Variants in TOR1B observed in about 807,000 individuals in gnomAD.
TOR1B encodes torsin family 1 member B.
TOR1B carries 14 observed loss-of-function variants against 29.2 expected under a neutral mutation model. The observed-to-expected ratio is 0.48, with a 90% CI of 0.32 to 0.75. The LOEUF (loss-of-function observed/expected upper bound fraction) is 0.75, where lower values mean the gene tolerates loss of function less well. TOR1B is among the 30% of genes least tolerant of loss of function. The pLI is 0.04. For missense variants in TOR1B, 400 were observed against 433.9 expected (o/e 0.92, Z 0.69); for synonymous variants, 166 against 179.8 (o/e 0.92, Z 0.62).
rs559644221 is a variant in TOR1B, at chr9:129,808,120, C to T, written c.641+757C>T. On this transcript the variant is annotated intron_variant, in intron 3 of 4. Coordinates refer to ENST00000259339, the MANE Select transcript of TOR1B (RefSeq NM_014506.3). The stretch of plus-strand genomic sequence containing the variant: ...GGTTATAAAGGGCCATAGCATTATC[C>T]CAGCTAGTTGTGAATAAACACTTTA... 2.6e-5 allele frequency among the ~76,000 whole-genome samples: 4 copies of T among 152,236 alleles called. No individual in the cohort carries two copies. The South Asian group carries it at 8.3e-4, about 32-fold the overall frequency.
At position 129,809,946 on chromosome 9, in the gene TOR1B, G is replaced by A; in HGVS notation, c.*363G>A. 1 of 1,189,536 alleles carries A rather than the reference G, an allele frequency of 8.4e-7. No homozygotes were observed. Among genetic ancestry groups the A allele is most frequent in the South Asian group, 1.7e-5 (1 of 60,346 alleles). The allele number at this position is 1,189,536 out of a possible 1,614,324, so 73.7% of individuals were successfully genotyped here. A position where few individuals can be genotyped will look rare whatever the true frequency, so the allele number is the denominator to read the frequency against. On this transcript the variant is annotated 3_prime_UTR_variant, in exon 5 of 5. Coordinates refer to ENST00000259339, the MANE Select transcript of TOR1B (RefSeq NM_014506.3). Reference sequence around the variant, plus strand: ...TTTGTCATTTAGCAAGATGGCAGCAGTCCAGCTGTTCTTTGCAGCTGGAGA... The same window carrying A: ...TTTGTCATTTAGCAAGATGGCAGCAATCCAGCTGTTCTTTGCAGCTGGAGA...
intron 2 of TOR1B, among the ~76,000 whole-genome samples, chr9:129,805,322 C>T (rs997311619): frequency 1.3e-5 from 2 of 151,334 alleles, no homozygotes; most frequent in African/African-American, 2.4e-5. Context: ...GGCGTGATGG[C>T]GTGCGCCTGT....
At chr9:129,808,526 T>C (rs2030632745) in intron 3 of TOR1B, among the ~76,000 whole-genome samples, 1 of 149,296 alleles carries the variant, frequency 6.7e-6, no homozygotes, top group Admixed American at 6.7e-5. Flanking sequence ...ATTCATTTCT[T>C]GGTAAGACAC....
Position 129,803,210 on chromosome 9 carries a change from G to T in TOR1B, c.-3G>T, listed in dbSNP as rs756830163. The T allele has an allele frequency of 2.0e-6, 3 of 1,479,430 alleles. No homozygotes were observed. Among genetic ancestry groups the T allele is most frequent in the South Asian group, 2.7e-5 (2 of 74,654 alleles). The allele number at this position is 1,479,430 out of a possible 1,614,324, so 91.6% of individuals were successfully genotyped here. A position where few individuals can be genotyped will look rare whatever the true frequency, so the allele number is the denominator to read the frequency against. ...GTGGCTTCTGCGGGCTTCGAGGAGC[G>T]GGATGTTGCGGGCTGGGTGGCTCCG... is the stretch of plus-strand genomic sequence containing the variant. On this transcript the variant is annotated 5_prime_UTR_variant, in exon 1 of 5. Transcript: ENST00000259339.
At chr9:129,808,538 G>C (rs1466911201) in intron 3 of TOR1B, among the ~76,000 whole-genome samples, 1 of 137,594 alleles carries the variant, frequency 7.3e-6, no homozygotes, top group Non-Finnish European at 1.6e-5. Flanking sequence ...GTAAGACACA[G>C]AAGTCTTTTT....
At chr9:129,806,883 T>A (rs1236780268) in intron 2 of TOR1B, among the ~76,000 whole-genome samples, 2 of 151,994 alleles carry the variant, frequency 1.3e-5, no homozygotes, top group Non-Finnish European at 2.9e-5. Context: ...AGACCCTGTT[T>A]CCAAAGACAA....
At chr9:129,807,717 G>C in intron 3 of TOR1B, among the ~76,000 whole-genome samples, 1 of 151,918 alleles carries the variant, frequency 6.6e-6, no homozygotes, top group East Asian at 1.9e-4. Context: ...GTGGTGGCGG[G>C]CGCCTGTAGT....
Position 129,805,266 on chromosome 9 carries a change from C to G in TOR1B, c.465+928C>G, listed in dbSNP as rs566283942. Among the ~76,000 whole-genome samples the G allele has an allele frequency of 7.0e-4, 106 of 152,102 alleles. 1 individual carries two copies. The South Asian group carries it at 0.022, about 31-fold the overall frequency. ...GGTCGGGAGTTCGAGACCAGCCTGA[C>G]CAACATGGAGAAACCCCGTCTCTAC... On this transcript the variant is annotated intron_variant, in intron 2 of 4. Transcript: ENST00000259339.
In TOR1B at chr9:129,807,320, G is replaced by A; in HGVS notation, c.598G>A (p.Val200Ile). ...GCCGTTTCTAGACTACTACGAGCAG[G>A]TTGACGGAGTGTCTTACCGCAAAGC... Reference protein sequence around the residue: ...IKPFLDYYEQVDGVSYRKAIF... With the variant: ...IKPFLDYYEQIDGVSYRKAIF... Residue 200 changes from valine (V) to isoleucine (I), a missense_variant, in exon 3 of 5, where the codon GTT (valine) becomes ATT (isoleucine). Val to Ile is a conservative substitution (Grantham distance 29, BLOSUM62 3). Transcript: ENST00000259339. The A allele has an allele frequency of 1.9e-6, 3 of 1,614,180 alleles. No homozygotes were observed. The highest frequency in any genetic ancestry group is 2.2e-5 in the South Asian group (2 of 91,088).
chr9:129,804,509 TCTTA>T (rs1365709673), intron 2 of TOR1B, 171 bp downstream of exon 2: 4 of 825,692 alleles, frequency 4.8e-6, no homozygotes, highest in Non-Finnish European at 7.4e-6. Flanking sequence ...ACAACATTTC[TCTTA>T]CTTGGTTCCA....
intron 2 of TOR1B, among the ~76,000 whole-genome samples, chr9:129,805,970 A>G (rs1479245372): frequency 1.3e-5 from 2 of 152,132 alleles, no homozygotes; most frequent in East Asian, 3.9e-4. Context: ...AAAATAAAAA[A>G]ATTAGCCAGG....
Position 129,810,495 on chromosome 9 carries a change from G to A in TOR1B, c.*912G>A, listed in dbSNP as rs887824271. 1 of 1,084,988 alleles carries A rather than the reference G, an allele frequency of 9.2e-7. No homozygotes were observed. The highest frequency in any genetic ancestry group is 1.6e-5 in the African/African-American group (1 of 60,698). The allele number at this position is 1,084,988 out of a possible 1,614,324, so 67.2% of individuals were successfully genotyped here. A position where few individuals can be genotyped will look rare whatever the true frequency, so the allele number is the denominator to read the frequency against. ...GCTGGTATCAGCCCCAGCCTGCCTT[G>A]TGCCATATCTCAGCTTGGATCTCTG... is the stretch of plus-strand genomic sequence containing the variant. On this transcript the variant is annotated 3_prime_UTR_variant, in exon 5 of 5. Transcript: ENST00000259339.
At chr9:129,804,634 G>T (rs1310591096) in intron 2 of TOR1B, among the ~76,000 whole-genome samples, 1 of 151,278 alleles carries the variant, frequency 6.6e-6, no homozygotes, top group Non-Finnish European at 1.5e-5. Context: ...GCCGAGGCGG[G>T]CGGATCATTT....
At position 129,803,209 on chromosome 9, in the gene TOR1B, C is replaced by T. The variant is rs1009135784; in HGVS notation, c.-4C>T. ...AGTGGCTTCTGCGGGCTTCGAGGAG[C>T]GGGATGTTGCGGGCTGGGTGGCTCC... On this transcript the variant is annotated 5_prime_UTR_variant, in exon 1 of 5. Coordinates refer to ENST00000259339, the MANE Select transcript of TOR1B (RefSeq NM_014506.3). The T allele has an allele frequency of 2.0e-6, 3 of 1,476,426 alleles. No homozygotes were observed. The highest frequency in any genetic ancestry group is 2.7e-6 in the Non-Finnish European group (3 of 1,120,674). 91.5% of individuals were successfully genotyped at this position (1,476,426 alleles called of 1,614,324 possible).
intron 2 of TOR1B, among the ~76,000 whole-genome samples, chr9:129,804,698 C>T (rs912976898): frequency 1.3e-5 from 2 of 151,250 alleles, no homozygotes; most frequent in African/African-American, 4.9e-5. Flanking sequence ...CCATCTCTAC[C>T]TAAAAGTACC....
Position 129,808,543 on chromosome 9 carries a change from C to CTTT in TOR1B, c.642-341_642-339dup, listed in dbSNP as rs763409733. Among the ~76,000 whole-genome samples, 360 of 77,702 alleles carry CTTT rather than the reference C, an allele frequency of 4.6e-3. 2 individuals are homozygous for CTTT. Among genetic ancestry groups the CTTT allele is most frequent in the Middle Eastern group, 0.011 (1 of 92 alleles). The allele number at this position is 77,702 out of a possible 152,430, so 51.0% of individuals were successfully genotyped here. A position where few individuals can be genotyped will look rare whatever the true frequency, so the allele number is the denominator to read the frequency against. On this transcript the variant is annotated intron_variant, in intron 3 of 4. Transcript: ENST00000259339. ...TCATTTCTTGGTAAGACACAGAAGT[C>CTTT]TTTTTTTTTTTTTTTTTTTTTTTGA...
Position 129,810,293 on chromosome 9 carries a change from G to A in TOR1B, c.*710G>A. On this transcript the variant is annotated 3_prime_UTR_variant, in exon 5 of 5. Transcript: ENST00000259339. ...GAGGTGCAGACGGTGTCTGACCGGAGGATGTGGCCGTGCCCGCCGAGCACT... is the reference window on the plus strand; with the variant it reads ...GAGGTGCAGACGGTGTCTGACCGGAAGATGTGGCCGTGCCCGCCGAGCACT... 1 of 1,303,460 alleles carries A rather than the reference G, an allele frequency of 7.7e-7. No homozygotes were observed. Among genetic ancestry groups the A allele is most frequent in the Non-Finnish European group, 1.0e-6 (1 of 988,812 alleles). 80.7% of individuals were successfully genotyped at this position (1,303,460 alleles called of 1,614,324 possible).
At chr9:129,804,459 G>A in intron 2 of TOR1B, 121 bp downstream of exon 2, 1 of 1,289,216 alleles carries the variant, frequency 7.8e-7, no homozygotes, top group African/African-American at 1.5e-5. Flanking sequence ...GCTCCACTGA[G>A]TTAAGGCACA....
chr9:129,809,201 C>CTGAG (rs1388171682), intron 4 of TOR1B, 141 bp from the exon 5 acceptor site: 7 of 1,524,580 alleles, frequency 4.6e-6, no homozygotes, highest in Non-Finnish European at 6.2e-6. Context: ...GAGTGTCCAG[C>CTGAG]TGAGTCCTGC....
Sources: allele counts gnomAD v4.1 joint callset (sites outside exome capture counted in the v4.1 genomes callset), GRCh38; gene constraint gnomAD v4.1.1; transcripts MANE v1.5; gene names NCBI Gene and HGNC (gene_info 2026-07-23, HGNC 2026-07-21).